Variants in FYN observed in about 807,000 individuals in gnomAD.
The protein encoded by FYN is FYN proto-oncogene, Src family tyrosine kinase, also known as tyrosine-protein kinase Fyn.
A neutral mutation model predicts 70.2 loss-of-function variants in FYN; 10 were observed. That is an observed-to-expected ratio of 0.14 (90% CI 0.09 to 0.24). The LOEUF (loss-of-function observed/expected upper bound fraction) is 0.24, where lower values mean the gene tolerates loss of function less well. Among genes scored for constraint, FYN ranks in the 10% least tolerant of loss-of-function variants. The pLI is 1.00. For synonymous variants in FYN, 236 were observed against 248.6 expected (o/e 0.95, Z 0.48); for missense variants, 319 against 673.1 (o/e 0.47, Z 5.82).
intron 2 of FYN, among the ~76,000 whole-genome samples, chr6:111,784,847 C>A (rs1330258891): frequency 6.6e-6 from 1 of 152,204 alleles, no homozygotes; most frequent in African/African-American, 2.4e-5. Context: ...TGGGAAGCCA[C>A]CCATACGTAT....
intron 1 of FYN, among the ~76,000 whole-genome samples, chr6:111,857,561 G>A (rs1773854827): frequency 6.6e-6 from 1 of 152,188 alleles, no homozygotes; most frequent in African/African-American, 2.4e-5. Flanking sequence ...AGTTTAAGCA[G>A]TTAAAATATA....
rs1391023705 is a variant in FYN at position 111,700,200 on chromosome 6, G to C, written c.766C>G (p.Leu256Val). 1 of 1,614,154 alleles carries C rather than the reference G, an allele frequency of 6.2e-7. No individual in the cohort carries two copies. Among genetic ancestry groups the C allele is most frequent in the Non-Finnish European group, 8.5e-7 (1 of 1,180,020 alleles). Residue 256 changes from leucine (L) to valine (V), a missense_variant, in exon 9 of 14, where the codon CTG becomes GTG. Physicochemically the swap from Leu to Val is conservative, Grantham distance 32. Transcript: ENST00000354650. Reference protein sequence around the residue: ...CHKGMPRLTDLSVKTKDVWEI... With the variant: ...CHKGMPRLTDVSVKTKDVWEI... ...CAGACATCTTTGGTTTTGACAGACAGATCGGTAAGCCTTGGCATCCCTTTG... is the reference window on the plus strand; with the variant it reads ...CAGACATCTTTGGTTTTGACAGACACATCGGTAAGCCTTGGCATCCCTTTG...
intron 3 of FYN, among the ~76,000 whole-genome samples, chr6:111,741,360 G>T (rs928761148): frequency 2.0e-5 from 3 of 152,294 alleles, no homozygotes; most frequent in African/African-American, 2.4e-5. Context: ...CTCAGTGGAT[G>T]CTAATGGCTA....
chr6:111,830,580 G>A (rs1055798931), intron 2 of FYN, among the ~76,000 whole-genome samples: 10 of 152,122 alleles, frequency 6.6e-5, no homozygotes, highest in African/African-American at 2.4e-4. Context: ...TTGCACTGTG[G>A]TGGTGTGGAC....
chr6:111,699,377 A>T, intron 9 of FYN: 1 of 911,232 alleles, frequency 1.1e-6, no homozygotes, highest in East Asian at 2.6e-5. Flanking sequence ...ATATTCTGAA[A>T]ATCTGGATGG....
At position 111,860,051 on chromosome 6, in the gene FYN, C is replaced by T. The variant is rs370984718; in HGVS notation, c.-123+12917G>A. On this transcript the variant is annotated intron_variant, in intron 1 of 13. Coordinates refer to ENST00000354650, the MANE Select transcript of FYN (RefSeq NM_002037.5). The stretch of plus-strand genomic sequence containing the variant: ...AGGAAAGCCAAGGTTTGCCGGCAGC[C>T]ACAGAGAAGCCTGGGACAGAATCTC... Among the ~76,000 whole-genome samples the T allele has an allele frequency of 3.3e-5, 5 of 152,114 alleles. No individual in the cohort carries two copies. The East Asian group carries it at 9.7e-4, about 29-fold the overall frequency.
chr6:111,766,687 T>C (rs951369809), intron 3 of FYN, among the ~76,000 whole-genome samples: 4 of 152,102 alleles, frequency 2.6e-5, no homozygotes, highest in African/African-American at 7.2e-5. Flanking sequence ...GGAAGGAGAA[T>C]TGCCAAGCAA....
chr6:111,787,406 T>C (rs1418438654), intron 2 of FYN, among the ~76,000 whole-genome samples: 1 of 152,226 alleles, frequency 6.6e-6, no homozygotes, highest in Admixed American at 6.5e-5. Context: ...GAGGGCTCTG[T>C]TGTGTTCCAT....
At chr6:111,662,433 T>C (rs1011957003) in intron 13 of FYN, among the ~76,000 whole-genome samples, 1 of 152,188 alleles carries the variant, frequency 6.6e-6, no homozygotes, top group African/African-American at 2.4e-5. Context: ...TTCTTCTTTT[T>C]AACAACCCTT....
In FYN at chr6:111,788,851, TC is replaced by T. The variant is rs374742859; in HGVS notation, c.-81-8217del. On this transcript the variant is annotated intron_variant, in intron 2 of 13. Coordinates refer to ENST00000354650, the MANE Select transcript of FYN (RefSeq NM_002037.5). The stretch of plus-strand genomic sequence containing the variant: ...GCTTACTTTTGACTGACTGTGGCCT[TC>T]CCTTTCACTGGATATAGTGGGTGGG... Among the ~76,000 whole-genome samples the T allele has an allele frequency of 4.7e-3, 710 of 152,098 alleles. 8 individuals carry two copies. The highest frequency in any genetic ancestry group is 0.014 in the African/African-American group (567 of 41,512).
Position 111,700,156 on chromosome 6 carries a change from G to C in FYN, c.810C>G (p.Ser270=). The C allele has an allele frequency of 6.2e-7, 1 of 1,613,886 alleles. No homozygotes were observed. The highest frequency in any genetic ancestry group is 8.5e-7 in the Non-Finnish European group (1 of 1,179,980). The change falls in exon 9 of 14, where the codon TCC becomes TCG. Residue 270 remains serine (S), a synonymous_variant. Transcript: ENST00000354650. The part of the protein sequence containing the change: ...TKDVWEIPRE[S]LQLIKRLGNG... ...TTCCCAGTCTCTTGATCAACTGCAG[G>C]GATTCTCGAGGGATTTCCCAGACAT...
intron 3 of FYN, among the ~76,000 whole-genome samples, chr6:111,721,413 C>A (rs1049854274): frequency 6.6e-6 from 1 of 152,186 alleles, no homozygotes; most frequent in African/African-American, 2.4e-5. Context: ...CTCTTTTACC[C>A]TCTCTGTATT....
At chr6:111,770,868 C>G (rs1803422956) in intron 3 of FYN, among the ~76,000 whole-genome samples, 1 of 152,128 alleles carries the variant, frequency 6.6e-6, no homozygotes, top group South Asian at 2.1e-4. Context: ...TGGCATCCAG[C>G]TGCCCATGAC....
At chr6:111,770,971 T>C (rs1281920563) in intron 3 of FYN, among the ~76,000 whole-genome samples, 1 of 152,150 alleles carries the variant, frequency 6.6e-6, no homozygotes, top group Non-Finnish European at 1.5e-5. Context: ...TGGGTCCTCC[T>C]CAACCTCTCT....
intron 13 of FYN, 81 bp downstream of exon 13, chr6:111,674,418 A>G (rs1798445771): frequency 1.4e-6 from 2 of 1,477,832 alleles, no homozygotes; most frequent in East Asian, 2.4e-5. Flanking sequence ...GGGCTTAGAA[A>G]GCAAAGTGGA....
At chr6:111,712,015 C>T (rs1356492898) in intron 5 of FYN, among the ~76,000 whole-genome samples, 1 of 152,138 alleles carries the variant, frequency 6.6e-6, no homozygotes, top group Non-Finnish European at 1.5e-5. Context: ...ACATCAAAGG[C>T]CGTGCATGGA....
At chr6:111,846,355 C>T (rs868484326) in intron 2 of FYN, among the ~76,000 whole-genome samples, 13 of 152,236 alleles carry the variant, frequency 8.5e-5, no homozygotes, top group African/African-American at 3.1e-4. Context: ...CATAAATTAC[C>T]AGAATTGAGT....
chr6:111,759,077 G>A (rs554214954), intron 3 of FYN: 1 of 152,718 alleles, frequency 6.5e-6, no homozygotes, highest in East Asian at 1.9e-4. Flanking sequence ...CCTCAGACCT[G>A]CGCTGGTCTC....
rs546524771 is a variant in FYN at position 111,858,841 on chromosome 6, TA to T, written c.-122-12213del. ...GGTCCCAGAACACTTACCTAGGATT[TA>T]AAAAAAAAAAAAAAAAAGTGCAACA... On this transcript the variant is annotated intron_variant, in intron 1 of 13. Transcript: ENST00000354650. Among the ~76,000 whole-genome samples, 810 of 129,298 alleles carry T rather than the reference TA, an allele frequency of 6.3e-3. 2 individuals carry two copies. Among genetic ancestry groups the T allele is most frequent in the Middle Eastern group, 0.012 (3 of 254 alleles). The allele number at this position is 129,298 out of a possible 152,430, so 84.8% of individuals were successfully genotyped here.
Sources: allele counts gnomAD v4.1 joint callset (sites outside exome capture counted in the v4.1 genomes callset), GRCh38; gene constraint gnomAD v4.1.1; transcripts MANE v1.5; gene names NCBI Gene and HGNC (gene_info 2026-07-23, HGNC 2026-07-21).